CDKAL1: variants seen among roughly 807,000 people sequenced by gnomAD.
CDKAL1 encodes the protein threonylcarbamoyladenosine tRNA methylthiotransferase.
CDKAL1 carries 32 observed loss-of-function variants against 68.2 expected under a neutral mutation model. The observed-to-expected ratio is 0.47, with a 90% CI of 0.35 to 0.63. The LOEUF (loss-of-function observed/expected upper bound fraction) is 0.63. CDKAL1 is among the 30% of genes least tolerant of loss of function. CDKAL1 has a pLI of 0.00. For missense variants in CDKAL1, 606 were observed against 696.7 expected (o/e 0.87, Z 1.47); for synonymous variants, 234 against 244.3 (o/e 0.96, Z 0.39).
At chr6:20,933,746 G>A (rs1005471649) in intron 9 of CDKAL1, among the ~76,000 whole-genome samples, 1 of 152,146 alleles carries the variant, frequency 6.6e-6, no homozygotes, top group African/African-American at 2.4e-5. Context: ...AATCATCCTA[G>A]TTGGGTGAAT....
intron 13 of CDKAL1, among the ~76,000 whole-genome samples, chr6:21,174,181 T>C (rs575527510): frequency 4.1e-4 from 62 of 152,206 alleles, no homozygotes; most frequent in African/African-American, 1.4e-3. Context: ...CAAATACACC[T>C]GGAAATAAAT....
intron 5 of CDKAL1, among the ~76,000 whole-genome samples, chr6:20,663,162 C>T (rs1345556205): frequency 6.6e-6 from 1 of 152,060 alleles, no homozygotes; most frequent in Non-Finnish European, 1.5e-5. Context: ...AAAACCCGTG[C>T]TTGCATCTCA....
chr6:20,760,908 G>C (rs1442662371), intron 7 of CDKAL1, among the ~76,000 whole-genome samples: 1 of 152,146 alleles, frequency 6.6e-6, no homozygotes, highest in Admixed American at 6.5e-5. Context: ...TTGCCAAGTT[G>C]GATGTCATTA....
At chr6:20,987,192 T>C (rs1467609155) in intron 10 of CDKAL1, among the ~76,000 whole-genome samples, 1 of 152,178 alleles carries the variant, frequency 6.6e-6, no homozygotes, top group African/African-American at 2.4e-5. Flanking sequence ...TACAGTGGCC[T>C]TGTGTATCTA....
chr6:20,546,658 A>G, intron 3 of CDKAL1, 135 bp downstream of exon 3: 1 of 601,662 alleles, frequency 1.7e-6, no homozygotes. Flanking sequence ...GATTCAAGCT[A>G]TTCTCCTGCC....
chr6:20,902,564 T>G (rs988466780), intron 9 of CDKAL1, among the ~76,000 whole-genome samples: 1 of 152,120 alleles, frequency 6.6e-6, no homozygotes, highest in East Asian at 1.9e-4. Flanking sequence ...AAAGGGGAAT[T>G]CCCAAGCAGG....
intron 4 of CDKAL1, among the ~76,000 whole-genome samples, chr6:20,646,503 G>C (rs971908861): frequency 6.6e-6 from 1 of 151,830 alleles, no homozygotes; most frequent in Non-Finnish European, 1.5e-5. Flanking sequence ...TCATATATGT[G>C]GTCCATCGTT....
chr6:21,037,947 T>C (rs186754876), intron 11 of CDKAL1, among the ~76,000 whole-genome samples: 3 of 152,326 alleles, frequency 2.0e-5, no homozygotes, highest in Admixed American at 2.0e-4. Flanking sequence ...AGGTAACTCT[T>C]TCATTGACTC....
intron 7 of CDKAL1, among the ~76,000 whole-genome samples, chr6:20,765,674 C>G (rs1437106291): frequency 1.3e-5 from 2 of 152,228 alleles, no homozygotes; most frequent in East Asian, 3.9e-4. Flanking sequence ...TAAGAGTAGG[C>G]TAATTTCTTT....
intron 4 of CDKAL1, among the ~76,000 whole-genome samples, chr6:20,562,767 G>A (rs566014080): frequency 2.0e-4 from 30 of 152,064 alleles, no homozygotes; most frequent in African/African-American, 7.0e-4. Flanking sequence ...TTCATTGTTA[G>A]CATGTTATTT....
chr6:20,673,581 C>A (rs1351037836), intron 5 of CDKAL1, among the ~76,000 whole-genome samples: 2 of 152,140 alleles, frequency 1.3e-5, no homozygotes, highest in Non-Finnish European at 2.9e-5. Flanking sequence ...TGTCCCCACC[C>A]AAATCTGATC....
chr6:20,619,117 A>G (rs1767062648), intron 4 of CDKAL1, among the ~76,000 whole-genome samples: 1 of 152,240 alleles, frequency 6.6e-6, no homozygotes, highest in African/African-American at 2.4e-5. Context: ...TGTTTAAACT[A>G]TTTAAAGCTA....
chr6:20,721,729 T>TTTTTTTTTTTG (rs1241966452), intron 5 of CDKAL1, among the ~76,000 whole-genome samples: 34 of 130,890 alleles, frequency 2.6e-4, no homozygotes, highest in African/African-American at 1.1e-3. Context: ...ACTTCTGTTT[T>TTTTTTTTTTTG]TTTTTTTTTT....
intron 10 of CDKAL1, among the ~76,000 whole-genome samples, chr6:20,980,301 G>T (rs926496144): frequency 1.3e-5 from 2 of 151,782 alleles, no homozygotes; most frequent in African/African-American, 2.4e-5. Context: ...GCAGTGGCGC[G>T]ATCTCGGCTC....
chr6:20,586,203 TTA>T (rs1491488027), intron 4 of CDKAL1, among the ~76,000 whole-genome samples: 1 of 152,250 alleles, frequency 6.6e-6, no homozygotes, highest in Non-Finnish European at 1.5e-5. Context: ...ATTATAATAG[TTA>T]CCTGTTTTAT....
At chr6:20,658,889 A>G (rs1324870613) in intron 5 of CDKAL1, among the ~76,000 whole-genome samples, 2 of 152,168 alleles carry the variant, frequency 1.3e-5, no homozygotes, top group African/African-American at 2.4e-5. Context: ...ATCACGGCTT[A>G]CTGTAGCCTC....
chr6:20,620,112 G>A (rs1561972875), intron 4 of CDKAL1, among the ~76,000 whole-genome samples: 1 of 152,180 alleles, frequency 6.6e-6, no homozygotes. Context: ...GTTCATATGT[G>A]TTGGTTAAGT....
chr6:20,592,903 C>T (rs1285653385), intron 4 of CDKAL1, among the ~76,000 whole-genome samples: 1 of 152,076 alleles, frequency 6.6e-6, no homozygotes, highest in African/African-American at 2.4e-5. Context: ...TATCGAAGGC[C>T]TTTTCTGCAT....
At chr6:20,860,108 C>T (rs149790199) in intron 9 of CDKAL1, among the ~76,000 whole-genome samples, 129 of 152,166 alleles carry the variant, frequency 8.5e-4, no homozygotes, top group African/African-American at 3.0e-3. Context: ...GATGGAGTCT[C>T]GCTTTGTTGC....
Sources: allele counts gnomAD v4.1 joint callset (sites outside exome capture counted in the v4.1 genomes callset), GRCh38; gene constraint gnomAD v4.1.1; transcripts MANE v1.5; gene names NCBI Gene and HGNC (gene_info 2026-07-23, HGNC 2026-07-21).